The following VXN variants were observed in gnomAD, a reference collection of about 807,000 sequenced individuals.
VXN encodes vexin, also known as uncharacterized protein C8orf46.
VXN carries 7 observed loss-of-function variants against 23.1 expected under a neutral mutation model. The observed-to-expected ratio is 0.30, with a 90% CI of 0.17 to 0.57. The LOEUF (loss-of-function observed/expected upper bound fraction) is 0.57, where lower values mean the gene tolerates loss of function less well. Among genes scored for constraint, VXN ranks in the 20% least tolerant of loss-of-function variants. The pLI, the probability that VXN is intolerant of heterozygous loss-of-function variation, is 0.91. For missense variants in VXN, 238 were observed against 272.6 expected, an observed-to-expected ratio of 0.87 and a Z score of 0.89; for synonymous variants, 120 against 105.8, an observed-to-expected ratio of 1.13 and a Z score of -0.83.
In VXN at chr8:66,518,436, A is replaced by C. The variant is rs758696588; in HGVS notation, c.*2360A>C. The C allele has an allele frequency of 1.2e-4, 18 of 152,234 alleles. No individual in the cohort carries two copies. The highest frequency in any genetic ancestry group is 2.2e-4 in the Non-Finnish European group (15 of 68,044). 9.4% of individuals were successfully genotyped at this position (152,234 alleles called of 1,614,324 possible). On this transcript the variant is annotated 3_prime_UTR_variant, in exon 6 of 6. Coordinates refer to ENST00000305454, the MANE Select transcript of VXN (RefSeq NM_152765.4). ...TTTTTAATTTAAATATTTCATGTTG[A>C]ACTGTTTGCCTTGTATGGAACATTT...
chr8:66,499,225 T>G (rs968415200), intron 2 of VXN, among the ~76,000 whole-genome samples: 4 of 146,972 alleles, frequency 2.7e-5, no homozygotes, highest in African/African-American at 1.0e-4. Flanking sequence ...GGGTTGGTTT[T>G]TTTTTTTTTT....
chr8:66,505,444 G>T lies in VXN; in HGVS notation c.196G>T (p.Asp66Tyr), dbSNP rs1282211134. Residue 66 changes from aspartate (D) to tyrosine (Y), a missense_variant, in exon 3 of 6, where the codon GAC becomes TAC. This residue lies in a region of VXN where 223 missense variants were observed against 236.9 expected (regional missense o/e 0.94). Coordinates refer to ENST00000305454, the MANE Select transcript of VXN (RefSeq NM_152765.4). ...GCTGCCCCACCGCGGAGACCGCAGGGACCCTGGCGACCGCCGCAGGTTTGG... is the reference window on the plus strand; with the variant it reads ...GCTGCCCCACCGCGGAGACCGCAGGTACCCTGGCGACCGCCGCAGGTTTGG... ...ELLPHRGDRR[D>Y]PGDRRRFGRL... 2 of 1,574,290 alleles carry T rather than the reference G, an allele frequency of 1.3e-6. No homozygotes were observed. Among genetic ancestry groups the T allele is most frequent in the Admixed American group, 1.9e-5 (1 of 53,450 alleles).
At chr8:66,511,601 G>A (rs1474187717) in intron 4 of VXN, among the ~76,000 whole-genome samples, 2 of 152,232 alleles carry the variant, frequency 1.3e-5, no homozygotes, top group African/African-American at 4.8e-5. Flanking sequence ...CAGAGAAAAA[G>A]CAAGGTCAAG....
intron 1 of VXN, among the ~76,000 whole-genome samples, chr8:66,495,217 G>C (rs1386977083): frequency 6.6e-6 from 1 of 152,126 alleles, no homozygotes; most frequent in Non-Finnish European, 1.5e-5. Flanking sequence ...CTCTGATTTT[G>C]TATTTCTTGT....
chr8:66,513,702 G>A, intron 5 of VXN, 65 bp downstream of exon 5: 4 of 1,403,940 alleles, frequency 2.8e-6, no homozygotes, highest in Non-Finnish European at 4.0e-6. Flanking sequence ...TCCTTCCCCA[G>A]AAGAGCACCA....
At chr8:66,510,305 C>G in intron 4 of VXN, 148 bp downstream of exon 4, 1 of 660,592 alleles carries the variant, frequency 1.5e-6, no homozygotes, top group Non-Finnish European at 2.5e-6. Flanking sequence ...TTCTTTGCTC[C>G]CAAAAGCTCT....
intron 3 of VXN, 67 bp downstream of exon 3, chr8:66,505,595 A>G (rs1002407444): frequency 2.8e-6 from 4 of 1,420,730 alleles, no homozygotes; most frequent in Non-Finnish European, 3.7e-6. Context: ...GAGCCACCAC[A>G]AGCCCAGGTC....
At chr8:66,512,079 A>G (rs943933379) in intron 4 of VXN, among the ~76,000 whole-genome samples, 4 of 151,872 alleles carry the variant, frequency 2.6e-5, no homozygotes, top group African/African-American at 9.7e-5. Flanking sequence ...AAAAAAAAAA[A>G]AAAAGAATGA....
rs77835410 is a variant in VXN, at chr8:66,494,112, A to G, written c.70+394A>G. Among the ~76,000 whole-genome samples, 337 of 152,254 alleles carry G rather than the reference A, an allele frequency of 2.2e-3. 3 individuals are homozygous for G. Among genetic ancestry groups the G allele is most frequent in the African/African-American group, 7.1e-3 (296 of 41,560 alleles). On this transcript the variant is annotated intron_variant, in intron 1 of 5. Transcript: ENST00000305454. ...AAATGAGAACAGCTGGCTTAAAAGT[A>G]TGATTTCTAACTGTGCCATGCAAAG... is the stretch of plus-strand genomic sequence containing the variant.
Position 66,516,269 on chromosome 8 carries a change from C to T in VXN, c.*193C>T. On this transcript the variant is annotated 3_prime_UTR_variant, in exon 6 of 6. Coordinates refer to ENST00000305454, the MANE Select transcript of VXN (RefSeq NM_152765.4). ...CCTCGAAGGCAATATAAAACTGCCC[C>T]TTCTTAGAATTGCTAAAGCCATTGG... The T allele has an allele frequency of 2.3e-6, 1 of 431,902 alleles. No individual in the cohort carries two copies. The allele number at this position is 431,902 out of a possible 1,614,324, so 26.8% of individuals were successfully genotyped here. A position where few individuals can be genotyped will look rare whatever the true frequency, so the allele number is the denominator to read the frequency against.
In VXN at chr8:66,493,707, T is replaced by C. The variant is rs1807591879; in HGVS notation, c.59T>C (p.Ile20Thr). The stretch of plus-strand genomic sequence containing the variant: ...AACATAGAAGTTTTCACCACCGTGA[T>C]TCCTTCCAAGGGTGAGTGAAATTGC... ...DENIEVFTTV[I>T]PSKVSSPARR... Residue 20 changes from isoleucine to threonine, a missense_variant, in exon 1 of 6, where the codon ATT (isoleucine) becomes ACT (threonine). Physicochemically the swap from Ile to Thr is moderately conservative, Grantham distance 89 (BLOSUM62 -1). Coordinates refer to ENST00000305454, the MANE Select transcript of VXN (RefSeq NM_152765.4). 6 of 1,613,176 alleles carry C rather than the reference T, an allele frequency of 3.7e-6. No homozygotes were observed. The East Asian group carries it at 1.3e-4, about 36-fold the overall frequency.
At chr8:66,505,115 G>A (rs1257391325) in intron 2 of VXN, 4 of 596,948 alleles carry the variant, frequency 6.7e-6, no homozygotes, top group Non-Finnish European at 9.3e-6. Flanking sequence ...GCCTGCTGTT[G>A]AGGAACACCC....
intron 4 of VXN, 61 bp from the exon 5 acceptor site, chr8:66,513,479 G>C: frequency 7.1e-7 from 1 of 1,403,716 alleles, no homozygotes; most frequent in Admixed American, 1.7e-5. Context: ...GACAGCCTCA[G>C]TCAGGGCCAG....
rs1026696618 is a variant in VXN at position 66,517,519 on chromosome 8, T to G, written c.*1443T>G. 6.6e-6 allele frequency: 1 copy of G among 152,208 alleles called. No homozygotes were observed. The highest frequency in any genetic ancestry group is 1.9e-4 in the East Asian group (1 of 5,194). The allele number at this position is 152,208 out of a possible 1,614,324, so 9.4% of individuals were successfully genotyped here. A position where few individuals can be genotyped will look rare whatever the true frequency, so the allele number is the denominator to read the frequency against. On this transcript the variant is annotated 3_prime_UTR_variant, in exon 6 of 6. Transcript: ENST00000305454. ...AAGGACCAAGGTTAATAAATGATTTTCATCCCAAACACTAAACATGATTGA... is the reference window on the plus strand; with the variant it reads ...AAGGACCAAGGTTAATAAATGATTTGCATCCCAAACACTAAACATGATTGA...
chr8:66,495,118 A>C (rs1807611393), intron 1 of VXN: 1 of 152,234 alleles, frequency 6.6e-6, no homozygotes, highest in Non-Finnish European at 1.5e-5. Context: ...ATAGACCAGA[A>C]AGATACAGAT....
intron 3 of VXN, among the ~76,000 whole-genome samples, chr8:66,505,797 CT>C (rs139022346): frequency 8.5e-5 from 13 of 152,084 alleles, no homozygotes; most frequent in Non-Finnish European, 1.6e-4. Context: ...CTTATCTAAT[CT>C]TTTTTTTCTT....
chr8:66,506,503 T>C (rs1184256356), intron 3 of VXN, among the ~76,000 whole-genome samples: 1 of 152,098 alleles, frequency 6.6e-6, no homozygotes, highest in Non-Finnish European at 1.5e-5. Context: ...GTGCCTTTAA[T>C]TGCTGGTTTA....
At chr8:66,501,481 G>A (rs545971863) in intron 2 of VXN, among the ~76,000 whole-genome samples, 1 of 152,262 alleles carries the variant, frequency 6.6e-6, no homozygotes, top group South Asian at 2.1e-4. Flanking sequence ...AATGGGTGAG[G>A]TGTTCTCAAA....
intron 2 of VXN, 131 bp downstream of exon 2, chr8:66,496,623 G>T: frequency 2.5e-6 from 2 of 790,658 alleles, no homozygotes; most frequent in Non-Finnish European, 4.2e-6. Context: ...GGTGCGTGCT[G>T]CACTCTCCGT....
Sources: gnomAD v4.1 joint callset for allele counts (sites outside exome capture counted in the v4.1 genomes callset) on GRCh38, gnomAD v4.1.1 for gene constraint, gnomAD v4.1.1 regional missense constraint, MANE v1.5 for transcripts, NCBI Gene and HGNC (gene_info 2026-07-23, HGNC 2026-07-21) for gene names.